Variants in PDE1C observed in about 807,000 individuals in gnomAD.
PDE1C encodes dual specificity calcium/calmodulin-dependent 3',5'-cyclic nucleotide phosphodiesterase 1C.
Under a neutral mutation model 93.1 loss-of-function variants are expected in PDE1C, and 62 were observed. That is an observed-to-expected ratio of 0.67 (90% CI 0.54 to 0.82). The LOEUF is 0.82. Ranked by LOEUF, PDE1C falls within the 40% of genes least tolerant of loss-of-function variation. PDE1C has a pLI of 0.00. For synonymous variants in PDE1C, 325 were observed against 310.1 expected (o/e 1.05, Z -0.50); for missense variants, 742 against 884.6 (o/e 0.84, Z 2.04).
At chr7:32,192,901 G>C (rs2392052) in intron 2 of PDE1C, among the ~76,000 whole-genome samples, 5 of 151,878 alleles carry the variant, frequency 3.3e-5, no homozygotes, top group African/African-American at 1.2e-4. Context: ...GTACCTACAA[G>C]TGTTGTTAGA....
At chr7:32,091,324 A>AAT (rs1457575529) in intron 3 of PDE1C, among the ~76,000 whole-genome samples, 1 of 152,222 alleles carries the variant, frequency 6.6e-6, no homozygotes, top group Non-Finnish European at 1.5e-5. Context: ...GAGACTAAAT[A>AAT]AAAGACATGA....
At chr7:32,359,859 C>A (rs1784102579) in intron 1 of PDE1C, among the ~76,000 whole-genome samples, 2 of 152,128 alleles carry the variant, frequency 1.3e-5, no homozygotes, top group African/African-American at 4.8e-5. Context: ...AGCACCCATC[C>A]AAATCTCATC....
intron 1 of PDE1C, among the ~76,000 whole-genome samples, chr7:32,348,751 A>T (rs1343075546): frequency 6.6e-6 from 1 of 152,200 alleles, no homozygotes; most frequent in African/African-American, 2.4e-5. Flanking sequence ...CCAGATGGCC[A>T]TCAAAAGATG....
chr7:31,646,209 G>A, the PDE1C span, among the ~76,000 whole-genome samples: 1 of 152,084 alleles, frequency 6.6e-6, no homozygotes, highest in South Asian at 2.1e-4. Flanking sequence ...GGTTTTTCTA[G>A]ACCTGTTTAA....
intron 1 of PDE1C, among the ~76,000 whole-genome samples, chr7:32,401,068 T>C (rs1489088745): frequency 1.3e-5 from 2 of 152,258 alleles, no homozygotes; most frequent in African/African-American, 4.8e-5. Flanking sequence ...CATAACCTTC[T>C]TTGCACTGTT....
chr7:32,252,011 AGG>A (rs1809429379), intron 1 of PDE1C, among the ~76,000 whole-genome samples: 1 of 152,166 alleles, frequency 6.6e-6, no homozygotes, highest in African/African-American at 2.4e-5. Context: ...ATCTCCAGGG[AGG>A]GTTCCATTTT....
the PDE1C span, chr7:31,651,219 C>T: frequency 6.8e-5 from 110 of 1,613,422 alleles, no homozygotes; most frequent in Non-Finnish European, 9.2e-5. Flanking sequence ...TTGAACAGCA[C>T]CTTATGGGAC....
chr7:32,365,123 C>T (rs1235249361), intron 1 of PDE1C, among the ~76,000 whole-genome samples: 3 of 152,142 alleles, frequency 2.0e-5, no homozygotes, highest in South Asian at 4.1e-4. Flanking sequence ...CTAGCCTGCC[C>T]AGTGACCCTG....
the PDE1C span, among the ~76,000 whole-genome samples, chr7:31,719,874 C>T: frequency 2.3e-4 from 35 of 152,074 alleles, no homozygotes; most frequent in Non-Finnish European, 7.4e-5. Context: ...GTCAAATGTT[C>T]GGGGGATTCT....
the PDE1C span, among the ~76,000 whole-genome samples, chr7:31,699,569 G>T: frequency 2.6e-5 from 4 of 152,092 alleles, no homozygotes; most frequent in Admixed American, 2.0e-4. Flanking sequence ...CTAGAGGTTT[G>T]CAGTGTTAAT....
At chr7:32,365,116 GC>G (rs1784206140) in intron 1 of PDE1C, among the ~76,000 whole-genome samples, 1 of 152,080 alleles carries the variant, frequency 6.6e-6, no homozygotes, top group Non-Finnish European at 1.5e-5. Context: ...AAAGCTTCTA[GC>G]CTGCCCAGTG....
chr7:31,684,205 G>A, the PDE1C span, among the ~76,000 whole-genome samples: 2,648 of 152,270 alleles, frequency 0.017, 33 homozygotes, highest in Middle Eastern at 0.041. Context: ...ACAACAGCCC[G>A]AACTTGGGAG....
chr7:32,135,179 G>T (rs887971590), intron 3 of PDE1C, among the ~76,000 whole-genome samples: 1 of 152,058 alleles, frequency 6.6e-6, no homozygotes, highest in Admixed American at 6.6e-5. Flanking sequence ...AAAACACCAA[G>T]GAAAATGTAA....
chr7:31,899,328 C>T (rs563025597), intron 2 of PDE1C, among the ~76,000 whole-genome samples: 8 of 151,920 alleles, frequency 5.3e-5, no homozygotes, highest in African/African-American at 1.9e-4. Flanking sequence ...TTAGTAGAGA[C>T]GGGGTTTCAC....
At chr7:32,292,981 C>T (rs1034790154) in intron 1 of PDE1C, among the ~76,000 whole-genome samples, 1 of 152,172 alleles carries the variant, frequency 6.6e-6, no homozygotes, top group Admixed American at 6.5e-5. Context: ...GGGGCCAGCA[C>T]AGTTGTACAG....
rs572788685 is a variant in PDE1C, at chr7:32,243,885, T to A, written c.86-34346A>T. Reference sequence around the variant, plus strand: ...ACGAAGGACACTTAGACACAGGAGTTTCTGAACTGGCTGTAGAAAGAATGA... The same window carrying A: ...ACGAAGGACACTTAGACACAGGAGTATCTGAACTGGCTGTAGAAAGAATGA... On this transcript the variant is annotated intron_variant, in intron 1 of 18. Coordinates refer to the PDE1C transcript ENST00000396193. Among the ~76,000 whole-genome samples the A allele has an allele frequency of 8.6e-4, 131 of 152,334 alleles. 1 individual carries two copies. The highest frequency in any genetic ancestry group is 3.0e-3 in the African/African-American group (124 of 41,576).
chr7:32,279,002 A>C (rs1465205004), intron 1 of PDE1C, among the ~76,000 whole-genome samples: 1 of 152,200 alleles, frequency 6.6e-6, no homozygotes, highest in East Asian at 1.9e-4. Context: ...ATTTACTAAA[A>C]ATCATTGAAT....
chr7:32,040,749 A>T (rs1348224995), intron 2 of PDE1C, among the ~76,000 whole-genome samples: 1 of 152,192 alleles, frequency 6.6e-6, no homozygotes, highest in Non-Finnish European at 1.5e-5. Flanking sequence ...TTCTATGGCC[A>T]CAAGAGACTG....
At chr7:32,296,623 C>T (rs1562658874) in intron 1 of PDE1C, among the ~76,000 whole-genome samples, 5 of 152,156 alleles carry the variant, frequency 3.3e-5, no homozygotes. Flanking sequence ...TAGACCAACT[C>T]TTCTAACAGA....
Sources: gnomAD v4.1 joint callset for allele counts (sites outside exome capture counted in the v4.1 genomes callset) on GRCh38, gnomAD v4.1.1 for gene constraint, MANE v1.5 for transcripts, NCBI Gene and HGNC (gene_info 2026-07-23, HGNC 2026-07-21) for gene names.